The following MTHFD2L variants were observed in gnomAD, a reference collection of about 807,000 sequenced individuals.
MTHFD2L encodes bifunctional methylenetetrahydrofolate dehydrogenase/cyclohydrolase 2, mitochondrial.
MTHFD2L carries 29 observed loss-of-function variants against 34.9 expected under a neutral mutation model. That is an observed-to-expected ratio of 0.83 (90% CI 0.62 to 1.13). MTHFD2L has a LOEUF of 1.13. Among genes scored for constraint, MTHFD2L ranks in the 50% most tolerant of loss-of-function variants. The pLI is 0.00. For missense variants in MTHFD2L, 481 were observed against 446.5 expected, an observed-to-expected ratio of 1.08 and a Z score of -0.70; for synonymous variants, 167 against 155.7, an observed-to-expected ratio of 1.07 and a Z score of -0.54.
intron 6 of MTHFD2L, among the ~76,000 whole-genome samples, chr4:74,270,880 G>T (rs1351603369): frequency 2.0e-5 from 3 of 152,048 alleles, no homozygotes; most frequent in East Asian, 1.9e-4. Flanking sequence ...GTGTGAGATG[G>T]TATCTCATTG....
chr4:74,246,085 G>T (rs1007416281), intron 6 of MTHFD2L, among the ~76,000 whole-genome samples: 2 of 140,966 alleles, frequency 1.4e-5, no homozygotes, highest in Admixed American at 7.2e-5. Context: ...CTAGTTTACA[G>T]TCCCACCAAC....
At chr4:74,241,548 A>AT (rs1254788538) in intron 6 of MTHFD2L, 10 of 445,646 alleles carry the variant, frequency 2.2e-5, no homozygotes, top group African/African-American at 1.8e-4. Context: ...TGCGTAGCTA[A>AT]TTTTTGTATT....
At chr4:74,298,831 G>T (rs1578763434) in intron 7 of MTHFD2L, among the ~76,000 whole-genome samples, 1 of 151,888 alleles carries the variant, frequency 6.6e-6, no homozygotes, top group Non-Finnish European at 1.5e-5. Context: ...ACTCGTTTAG[G>T]TCATGATAAT....
chr4:74,200,261 G>C (rs1232962057), intron 4 of MTHFD2L, among the ~76,000 whole-genome samples: 1 of 152,032 alleles, frequency 6.6e-6, no homozygotes, highest in East Asian at 1.9e-4. Context: ...GCAGTGAGCC[G>C]AGATCATGCC....
At chr4:74,255,119 G>C (rs1220367604) in intron 6 of MTHFD2L, among the ~76,000 whole-genome samples, 2 of 97,932 alleles carry the variant, frequency 2.0e-5, no homozygotes, top group Non-Finnish European at 3.7e-5. Context: ...TAGGCAAAAA[G>C]AGCGAGACTC....
chr4:74,262,088 T>G (rs1157891892), intron 6 of MTHFD2L, among the ~76,000 whole-genome samples: 1 of 151,788 alleles, frequency 6.6e-6, no homozygotes, highest in African/African-American at 2.4e-5. Context: ...AAACACACAT[T>G]CGTATGTGTG....
intron 6 of MTHFD2L, among the ~76,000 whole-genome samples, chr4:74,273,023 A>G (rs925474647): frequency 1.3e-5 from 2 of 152,186 alleles, no homozygotes; most frequent in Non-Finnish European, 2.9e-5. Context: ...TTATGCAATT[A>G]GGAATCTTTG....
At position 74,115,231 on chromosome 4, in the gene MTHFD2L, G is replaced by A. The variant is rs945401538; in HGVS notation, c.-144+574G>A. ...ATTTTTTGACCATAGGAGAGACTGC[G>A]ACAGAAATTCCATTAGTGGATTTGA... On this transcript the variant is annotated intron_variant and NMD_transcript_variant, in intron 2 of 9. Transcript: ENST00000429519. Among the ~76,000 whole-genome samples, 13 of 152,142 alleles carry A rather than the reference G, an allele frequency of 8.5e-5. No individual in the cohort carries two copies. The East Asian group carries it at 1.2e-3, about 13-fold the overall frequency.
chr4:74,196,206 A>T (rs1733440449), intron 3 of MTHFD2L, among the ~76,000 whole-genome samples: 1 of 152,214 alleles, frequency 6.6e-6, no homozygotes, highest in African/African-American at 2.4e-5. Flanking sequence ...GAGGAAAAAA[A>T]TATTGTTTCA....
In MTHFD2L at chr4:74,284,783, G is replaced by A. The variant is rs186690648; in HGVS notation, c.931+3233G>A. On this transcript the variant is annotated intron_variant, in intron 7 of 7. Coordinates refer to ENST00000325278, the MANE Select transcript of MTHFD2L (RefSeq NM_001144978.3). ...CAACCATTGTGGAAGTCAGTGTGGC[G>A]ATTCCTCAGGGATCTAGAACTAGAA... 4.5e-3 allele frequency among the ~76,000 whole-genome samples: 681 copies of A among 152,144 alleles called. 8 individuals carry two copies. Among genetic ancestry groups the A allele is most frequent in the Middle Eastern group, 0.02 (6 of 294 alleles).
intron 5 of MTHFD2L, among the ~76,000 whole-genome samples, chr4:74,205,321 A>G (rs1735100273): frequency 2.0e-5 from 3 of 152,212 alleles, no homozygotes; most frequent in African/African-American, 2.4e-5. Context: ...AATGAAGATA[A>G]TGAAGGAGGA....
At chr4:74,212,951 C>T (rs1165826646) in intron 5 of MTHFD2L, among the ~76,000 whole-genome samples, 1 of 151,814 alleles carries the variant, frequency 6.6e-6, no homozygotes, top group Non-Finnish European at 1.5e-5. Context: ...TATGTAATGC[C>T]CTTCTTTGTC....
chr4:74,185,303 A>G (rs2109999032), intron 3 of MTHFD2L, among the ~76,000 whole-genome samples: 1 of 152,156 alleles, frequency 6.6e-6, no homozygotes, highest in South Asian at 2.1e-4. Context: ...GTAACACATC[A>G]AAGTTTGTGG....
intron 1 of MTHFD2L, chr4:74,160,303 A>G (rs575259148): frequency 3.1e-6 from 1 of 320,272 alleles, no homozygotes; most frequent in East Asian, 8.4e-5. Context: ...GTTTTAAATT[A>G]ACAGATTTAT....
In MTHFD2L at chr4:74,271,680, A is replaced by C. The variant is rs544492635; in HGVS notation, c.806-9745A>C. Among the ~76,000 whole-genome samples, 1,278 of 152,218 alleles carry C rather than the reference A, an allele frequency of 8.4e-3. 19 individuals carry two copies. Among genetic ancestry groups the C allele is most frequent in the African/African-American group, 0.028 (1,175 of 41,504 alleles). ...TCTTTTTTGGTTCCATATGAACTTT[A>C]AAGTAGTTTTTTCCAATTCTGTGAA... On this transcript the variant is annotated intron_variant, in intron 6 of 7. Transcript: ENST00000325278.
chr4:74,286,354 T>C (rs140424397), intron 7 of MTHFD2L, among the ~76,000 whole-genome samples: 33 of 152,312 alleles, frequency 2.2e-4, no homozygotes, highest in Non-Finnish European at 3.7e-4. Flanking sequence ...ATTATTACTT[T>C]TTTACACTTA....
At chr4:74,293,522 G>C in intron 7 of MTHFD2L, 1 of 984,212 alleles carries the variant, frequency 1.0e-6, no homozygotes, top group South Asian at 4.7e-5. Context: ...AATATATTTA[G>C]AAAACTTGTG....
At chr4:74,115,760 A>C (rs1462370702) in intron 2 of MTHFD2L, among the ~76,000 whole-genome samples, 1 of 152,252 alleles carries the variant, frequency 6.6e-6, no homozygotes, top group Non-Finnish European at 1.5e-5. Context: ...TAAGTGATTA[A>C]ATTAAATTAC....
intron 1 of MTHFD2L, among the ~76,000 whole-genome samples, chr4:74,148,381 T>G (rs907972737): frequency 1.7e-5 from 1 of 58,892 alleles, no homozygotes; most frequent in African/African-American, 6.8e-5. Flanking sequence ...ATTTATTTAT[T>G]TATTTATTTA....
Sources: allele counts gnomAD v4.1 joint callset (sites outside exome capture counted in the v4.1 genomes callset), GRCh38; gene constraint gnomAD v4.1.1; transcripts MANE v1.5; gene names NCBI Gene and HGNC (gene_info 2026-07-23, HGNC 2026-07-21).